SDR42E2: variants seen among roughly 807,000 people sequenced by gnomAD.
The protein encoded by SDR42E2 is short chain dehydrogenase/reductase family 42E, member 2.
Under a neutral mutation model 10.5 loss-of-function variants are expected in SDR42E2, and 20 were observed. The ratio of observed to expected loss-of-function variants is 1.90; its 90% CI spans 1.34 to 2.77. The LOEUF (loss-of-function observed/expected upper bound fraction) is 2.77. Among genes scored for constraint, SDR42E2 ranks in the 30% most tolerant of loss-of-function variants. The pLI, the probability that SDR42E2 is intolerant of heterozygous loss-of-function variation, is 0.00. For synonymous variants in SDR42E2, 72 were observed against 39.2 expected (o/e 1.84, Z -3.12); for missense variants, 162 against 104.2 (o/e 1.55, Z -2.42).
intron 2 of SDR42E2, 148 bp downstream of exon 2, chr16:22,165,785 G>C (rs2046529985): frequency 2.5e-6 from 1 of 404,708 alleles, no homozygotes; most frequent in Non-Finnish European, 4.3e-6. Context: ...CCTCAGGCGG[G>C]TTCTGGTACT....
rs1428444842 is a variant in SDR42E2 at position 22,175,352 on chromosome 16, C to A, written c.590-2778C>A. Among the ~76,000 whole-genome samples, 6 of 151,958 alleles carry A rather than the reference C, an allele frequency of 3.9e-5. No individual in the cohort carries two copies. The East Asian group carries it at 9.6e-4, about 24-fold the overall frequency. On this transcript the variant is annotated intron_variant, in intron 7 of 12. Transcript: ENST00000602312. ...GTGCACACCTGTACTCCCAGCTACT[C>A]GGGAGGCAGAGGTGGGAGGATCACC...
intron 10 of SDR42E2, among the ~76,000 whole-genome samples, 184 bp from the exon 11 acceptor site, chr16:22,183,997 T>C (rs1362374413): frequency 6.6e-6 from 1 of 151,702 alleles, no homozygotes; most frequent in East Asian, 1.9e-4. Context: ...GTTTTCTGGG[T>C]CAAGGTGCGG....
rs201205205 is a variant in SDR42E2 at position 22,169,439 on chromosome 16, T to G, written c.337-6T>G. 6 of 703,390 alleles carry G rather than the reference T, an allele frequency of 8.5e-6. No individual in the cohort carries two copies. Among genetic ancestry groups the G allele is most frequent in the Non-Finnish European group, 1.3e-5 (5 of 385,120 alleles). The allele number at this position is 703,390 out of a possible 1,614,324, so 43.6% of individuals were successfully genotyped here. On this transcript the variant is annotated splice_polypyrimidine_tract_variant and splice_region_variant and intron_variant, in intron 4 of 12. Transcript: ENST00000602312. ...CCATGACTTTCTCACCTGTCTTGTC[T>G]TTTAGCTGCAGAAAGAGCAGATTGA...
At chr16:22,185,935 C>T (rs565035434) in intron 11 of SDR42E2, among the ~76,000 whole-genome samples, 1 of 151,324 alleles carries the variant, frequency 6.6e-6, no homozygotes, top group Non-Finnish European at 1.5e-5. Context: ...GAGATGAGGG[C>T]GTCTCACTTT....
chr16:22,183,815 C>T (rs554544922), intron 10 of SDR42E2, among the ~76,000 whole-genome samples: 7 of 151,928 alleles, frequency 4.6e-5, no homozygotes, highest in South Asian at 2.1e-4. Flanking sequence ...AGCTACCTGG[C>T]GGGTGTAATG....
chr16:22,182,069 C>T, intron 9 of SDR42E2, 143 bp from the exon 10 acceptor site: 1 of 429,282 alleles, frequency 2.3e-6, no homozygotes, highest in Non-Finnish European at 4.1e-6. Context: ...CTGGAATTCA[C>T]AGGGAATAGT....
chr16:22,173,905 G>GTGTATA (rs1242574129), intron 7 of SDR42E2, among the ~76,000 whole-genome samples: 12 of 115,030 alleles, frequency 1.0e-4, no homozygotes, highest in South Asian at 2.9e-4. Flanking sequence ...ATGTGTGTGT[G>GTGTATA]TATATATATA....
chr16:22,183,041 C>T (rs1283250918), intron 10 of SDR42E2, among the ~76,000 whole-genome samples: 2 of 152,116 alleles, frequency 1.3e-5, no homozygotes, highest in African/African-American at 4.8e-5. Context: ...CCTCTGGCAA[C>T]ATTGGAACTG....
intron 11 of SDR42E2, among the ~76,000 whole-genome samples, chr16:22,185,917 A>C (rs1302226727): frequency 6.6e-6 from 1 of 151,860 alleles, no homozygotes; most frequent in Non-Finnish European, 1.5e-5. Context: ...ATTTTCAAAA[A>C]TTTTTTAGAG....
At chr16:22,184,298 A>G (rs559027161) in intron 11 of SDR42E2, 54 bp downstream of exon 11, 7 of 400,048 alleles carry the variant, frequency 1.7e-5, no homozygotes, top group Non-Finnish European at 3.1e-5. Flanking sequence ...TGTACCTTGC[A>G]TTGCCTTAAT....
At chr16:22,180,590 C>A (rs1460862929) in intron 8 of SDR42E2, among the ~76,000 whole-genome samples, 1 of 152,068 alleles carries the variant, frequency 6.6e-6, no homozygotes, top group African/African-American at 2.4e-5. Flanking sequence ...ATAGTCCCAG[C>A]TACTCGGGAG....
chr16:22,167,481 G>A (rs776685151), intron 4 of SDR42E2, among the ~76,000 whole-genome samples: 13 of 152,022 alleles, frequency 8.6e-5, no homozygotes, highest in Middle Eastern at 3.4e-3. Flanking sequence ...CACCGCACCC[G>A]GCCCCATTTC....
intron 8 of SDR42E2, among the ~76,000 whole-genome samples, chr16:22,178,482 G>C (rs1368578645): frequency 1.3e-5 from 2 of 152,244 alleles, no homozygotes; most frequent in African/African-American, 4.8e-5. Flanking sequence ...AGGCAGAAGA[G>C]AGCCTGTTGC....
At chr16:22,178,905 C>G (rs570253154) in intron 8 of SDR42E2, among the ~76,000 whole-genome samples, 187 of 152,316 alleles carry the variant, frequency 1.2e-3, no homozygotes, top group African/African-American at 4.4e-3. Context: ...GTGGCTGGAT[C>G]TGATCTGGGA....
Position 22,187,591 on chromosome 16 carries a change from C to T in SDR42E2, c.1014+797C>T, listed in dbSNP as rs866794271. 6.0e-5 allele frequency among the ~76,000 whole-genome samples: 9 copies of T among 149,614 alleles called. No homozygotes were observed. The South Asian group carries it at 1.9e-3, about 32-fold the overall frequency. On this transcript the variant is annotated intron_variant, in intron 12 of 12. Coordinates refer to ENST00000602312, the MANE Select transcript of SDR42E2 (RefSeq NM_001394319.2). Reference sequence around the variant, plus strand: ...GCCTAGGCAACAGATGGAGATCCTGCCCCTAAAAACCAAAAAAAAAAAAAA... The same window carrying T: ...GCCTAGGCAACAGATGGAGATCCTGTCCCTAAAAACCAAAAAAAAAAAAAA...
intron 11 of SDR42E2, among the ~76,000 whole-genome samples, chr16:22,186,035 C>G (rs968922632): frequency 1.3e-5 from 2 of 152,108 alleles, no homozygotes; most frequent in African/African-American, 4.8e-5. Context: ...GCCACCACAC[C>G]TGGTTCTCAC....
intron 8 of SDR42E2, among the ~76,000 whole-genome samples, chr16:22,179,128 T>TA (rs1012216902): frequency 1.8e-4 from 28 of 152,204 alleles, no homozygotes; most frequent in African/African-American, 6.3e-4. Context: ...GGTGTGACTA[T>TA]AAGTGTGCAC....
Position 22,184,232 on chromosome 16 carries a change from G to C in SDR42E2, c.928G>C (p.Val310Leu). ...CTGGATCCAGGTGCCTACTTCCTGG[G>C]TTTACCTGACAGGTAAGGAAAGGAG... ...QPWIQVPTSWVYLTAAVMERL... is the reference protein window; with the variant it reads ...QPWIQVPTSWLYLTAAVMERL... Residue 310 changes from valine (V) to leucine (L), a missense_variant, in exon 11 of 13, where the codon GTT (valine) becomes CTT (leucine). Coordinates refer to ENST00000602312, the MANE Select transcript of SDR42E2 (RefSeq NM_001394319.2). 1.5e-5 allele frequency: 6 copies of C among 401,394 alleles called. No homozygotes were observed. The highest frequency in any genetic ancestry group is 2.7e-5 in the Non-Finnish European group (6 of 226,338). The allele number at this position is 401,394 out of a possible 1,614,324, so 24.9% of individuals were successfully genotyped here. A position where few individuals can be genotyped will look rare whatever the true frequency, so the allele number is the denominator to read the frequency against.
At chr16:22,188,166 G>T (rs964272404) in intron 12 of SDR42E2, among the ~76,000 whole-genome samples, 1 of 151,772 alleles carries the variant, frequency 6.6e-6, no homozygotes, top group Admixed American at 6.6e-5. Flanking sequence ...AGTTAAAAAG[G>T]TCAAAAAAAA....
Sources: allele counts gnomAD v4.1 joint callset (sites outside exome capture counted in the v4.1 genomes callset), GRCh38; gene constraint gnomAD v4.1.1; transcripts MANE v1.5; gene names NCBI Gene and HGNC (gene_info 2026-07-23, HGNC 2026-07-21).